Variants in CRPPA observed in about 807,000 individuals in gnomAD.
The protein encoded by CRPPA is D-ribitol-5-phosphate cytidylyltransferase.
In CRPPA, 43 loss-of-function variants were observed where a neutral mutation model predicts 52.0. The ratio of observed to expected loss-of-function variants is 0.83; its 90% CI spans 0.65 to 1.07. The LOEUF (loss-of-function observed/expected upper bound fraction) is 1.07, where lower values mean the gene tolerates loss of function less well. CRPPA is among the 50% of genes least tolerant of loss of function. The pLI, the probability that CRPPA is intolerant of heterozygous loss-of-function variation, is 0.00. For missense variants in CRPPA, 629 were observed against 551.7 expected, an observed-to-expected ratio of 1.14 and a Z score of -1.40; for synonymous variants, 250 against 203.5, an observed-to-expected ratio of 1.23 and a Z score of -1.94.
chr7:16,236,725 T>C (rs1782960647), intron 8 of CRPPA, among the ~76,000 whole-genome samples: 1 of 152,168 alleles, frequency 6.6e-6, no homozygotes, highest in African/African-American at 2.4e-5. Flanking sequence ...GGTTTTTTTC[T>C]GTTTTTATTT....
intron 3 of CRPPA, among the ~76,000 whole-genome samples, chr7:16,347,648 A>G (rs1786048665): frequency 6.6e-6 from 1 of 152,148 alleles, no homozygotes; most frequent in Admixed American, 6.5e-5. Flanking sequence ...TCCCTTACAT[A>G]AAGTCAGACA....
At chr7:16,396,414 A>C (rs1583575197) in intron 2 of CRPPA, among the ~76,000 whole-genome samples, 2 of 152,338 alleles carry the variant, frequency 1.3e-5, no homozygotes, top group East Asian at 3.9e-4. Context: ...ACCTAAAAAA[A>C]ACAGTAGATG....
intron 9 of CRPPA, among the ~76,000 whole-genome samples, chr7:16,095,257 G>A (rs760168682): frequency 1.3e-5 from 2 of 152,096 alleles, no homozygotes; most frequent in South Asian, 2.1e-4. Flanking sequence ...CTTGAAAAAC[G>A]TACAATATTC....
intron 3 of CRPPA, among the ~76,000 whole-genome samples, chr7:16,328,116 C>A (rs1345584006): frequency 1.3e-5 from 2 of 152,158 alleles, no homozygotes; most frequent in Non-Finnish European, 2.9e-5. Flanking sequence ...AACCACATGT[C>A]CATTTATTAC....
chr7:16,383,725 G>T (rs112582373), intron 2 of CRPPA, among the ~76,000 whole-genome samples: 1 of 152,316 alleles, frequency 6.6e-6, no homozygotes, highest in Non-Finnish European at 1.5e-5. Context: ...CAGCCTCGCT[G>T]CCACCTTGCA....
intron 1 of CRPPA, among the ~76,000 whole-genome samples, chr7:16,415,620 G>C (rs1022426640): frequency 6.6e-6 from 1 of 152,084 alleles, no homozygotes; most frequent in African/African-American, 2.4e-5. Flanking sequence ...TACTTCCTGA[G>C]AAGTAAGTTC....
At position 16,371,660 on chromosome 7, in the gene CRPPA, C is replaced by A. The variant is rs141477582; in HGVS notation, c.684+4432G>T. Among the ~76,000 whole-genome samples the A allele has an allele frequency of 3.2e-4, 49 of 151,608 alleles. No individual in the cohort carries two copies. The East Asian group carries it at 6.4e-3, about 20-fold the overall frequency. On this transcript the variant is annotated intron_variant, in intron 3 of 9. Coordinates refer to ENST00000407010, the MANE Select transcript of CRPPA (RefSeq NM_001101426.4). ...AGTATGACAAAACAGGGTTCTATAA[C>A]AACCTATAAAAGAACACACTAGATC...
In CRPPA at chr7:16,280,680, T is replaced by C. The variant is rs189818508; in HGVS notation, c.836-2454A>G. 6.4e-4 allele frequency among the ~76,000 whole-genome samples: 98 copies of C among 152,290 alleles called. 1 individual carries two copies. Among genetic ancestry groups the C allele is most frequent in the African/African-American group, 2.2e-3 (90 of 41,554 alleles). The stretch of plus-strand genomic sequence containing the variant: ...TGTGTACAGTAATAAAACTGATATA[T>C]TACTACCAACTTACAAAAATGAAAT... On this transcript the variant is annotated intron_variant, in intron 5 of 9. Transcript: ENST00000407010.
intron 3 of CRPPA, among the ~76,000 whole-genome samples, chr7:16,348,495 G>A (rs997153173): frequency 5.3e-5 from 8 of 152,290 alleles, no homozygotes; most frequent in African/African-American, 1.2e-4. Context: ...CTGAGGTAAT[G>A]CATCCTATAA....
At chr7:16,293,189 C>A (rs1007439676) in intron 5 of CRPPA, among the ~76,000 whole-genome samples, 5 of 151,888 alleles carry the variant, frequency 3.3e-5, no homozygotes, top group Admixed American at 2.0e-4. Flanking sequence ...AGAAATCTGT[C>A]TCCAATTTTC....
chr7:16,303,361 T>C (rs1784829313), intron 4 of CRPPA, among the ~76,000 whole-genome samples: 1 of 151,398 alleles, frequency 6.6e-6, no homozygotes, highest in Admixed American at 6.6e-5. Context: ...AGTTAGCTAA[T>C]CTGGAGGATA....
intron 1 of CRPPA, among the ~76,000 whole-genome samples, chr7:16,413,731 T>A (rs1411059357): frequency 2.0e-5 from 3 of 152,164 alleles, no homozygotes; most frequent in Non-Finnish European, 4.4e-5. Context: ...GGACAAAAGT[T>A]TTTTTAAAAA....
rs568109745 is a variant in CRPPA, at chr7:16,228,989, T to C, written c.1120-12792A>G. Reference sequence around the variant, plus strand: ...ATATATTTAGGTATTCCAACATTGGTTGCATATATCACAACTGTCCTATCT... The same window carrying C: ...ATATATTTAGGTATTCCAACATTGGCTGCATATATCACAACTGTCCTATCT... On this transcript the variant is annotated intron_variant, in intron 8 of 9. Transcript: ENST00000407010. Among the ~76,000 whole-genome samples the C allele has an allele frequency of 2.0e-4, 31 of 152,180 alleles. No individual in the cohort carries two copies. In the South Asian group the frequency reaches 3.1e-3, roughly 15 times the overall value.
At chr7:16,322,935 A>G (rs953766251) in intron 3 of CRPPA, among the ~76,000 whole-genome samples, 17 of 152,044 alleles carry the variant, frequency 1.1e-4, no homozygotes, top group African/African-American at 3.9e-4. Context: ...GTGGCAGGAG[A>G]GAGAATGAGA....
intron 2 of CRPPA, among the ~76,000 whole-genome samples, chr7:16,395,552 T>A (rs2389637): frequency 0.1 from 15,376 of 152,250 alleles, 949 homozygotes; most frequent in East Asian, 0.25. Context: ...ATACTTCTAA[T>A]CTCCTTCTGA....
chr7:16,383,020 T>C (rs2128313408), intron 2 of CRPPA, among the ~76,000 whole-genome samples: 1 of 152,380 alleles, frequency 6.6e-6, no homozygotes, highest in South Asian at 2.1e-4. Context: ...TCTAGCTTTG[T>C]TCCATTGCTG....
At chr7:16,310,289 A>AGCC (rs977444620) in intron 3 of CRPPA, among the ~76,000 whole-genome samples, 1 of 152,102 alleles carries the variant, frequency 6.6e-6, no homozygotes, top group Non-Finnish European at 1.5e-5. Context: ...CCAAGGCAAA[A>AGCC]GCCCTAAGGA....
chr7:16,210,046 AC>A (rs1782088213), intron 9 of CRPPA, among the ~76,000 whole-genome samples: 1 of 152,200 alleles, frequency 6.6e-6, no homozygotes, highest in African/African-American at 2.4e-5. Flanking sequence ...CTCTTTAAAA[AC>A]AATTTTACAG....
chr7:16,410,626 CT>C (rs1356073180), intron 1 of CRPPA, among the ~76,000 whole-genome samples: 1 of 152,172 alleles, frequency 6.6e-6, no homozygotes, highest in Admixed American at 6.5e-5. Context: ...AGGTCATCCC[CT>C]GCTGGCTCTC....
Sources: gnomAD v4.1 joint callset for allele counts (sites outside exome capture counted in the v4.1 genomes callset) on GRCh38, gnomAD v4.1.1 for gene constraint, MANE v1.5 for transcripts, NCBI Gene and HGNC (gene_info 2026-07-23, HGNC 2026-07-21) for gene names.